The following CSGALNACT1 variants were observed in gnomAD, a reference collection of about 807,000 sequenced individuals.
CSGALNACT1 encodes chondroitin sulfate N-acetylgalactosaminyltransferase 1.
In CSGALNACT1, 52 loss-of-function variants were observed where a neutral mutation model predicts 51.0. That is an observed-to-expected ratio of 1.02 (90% CI 0.82 to 1.29). The LOEUF (loss-of-function observed/expected upper bound fraction) is 1.29, where lower values mean the gene tolerates loss of function less well. Ranked by LOEUF, CSGALNACT1 falls within the 50% of genes most tolerant of loss-of-function variation. The probability of loss-of-function intolerance (pLI) is 0.00; values close to 1 mark genes in which losing one functional copy is unlikely to be tolerated. For synonymous variants in CSGALNACT1, 341 were observed against 254.4 expected (o/e 1.34, Z -3.24); for missense variants, 935 against 679.2 (o/e 1.38, Z -4.19).
intron 1 of CSGALNACT1, among the ~76,000 whole-genome samples, chr8:19,738,317 G>A (rs567986740): frequency 2.0e-5 from 3 of 152,290 alleles, no homozygotes; most frequent in East Asian, 3.9e-4. Flanking sequence ...AAATTCTGAC[G>A]CATGCTACAA....
chr8:19,647,321 G>T (rs181184404), intron 1 of CSGALNACT1, among the ~76,000 whole-genome samples: 5 of 152,172 alleles, frequency 3.3e-5, no homozygotes, highest in Non-Finnish European at 7.3e-5. Flanking sequence ...AGAGGTCAAA[G>T]CAAGAAGATC....
chr8:19,567,652 T>C (rs1350420147), intron 3 of CSGALNACT1, among the ~76,000 whole-genome samples: 2 of 152,168 alleles, frequency 1.3e-5, no homozygotes, highest in East Asian at 1.9e-4. Flanking sequence ...GGAAAATAAA[T>C]GTGAAAATAT....
chr8:19,638,781 G>A (rs1055772152), intron 1 of CSGALNACT1, among the ~76,000 whole-genome samples: 1 of 151,960 alleles, frequency 6.6e-6, no homozygotes, highest in Non-Finnish European at 1.5e-5. Flanking sequence ...TCCCCACCAA[G>A]AAAGAGCTGA....
intron 3 of CSGALNACT1, among the ~76,000 whole-genome samples, chr8:19,529,139 A>C (rs1015173316): frequency 2.0e-5 from 3 of 152,212 alleles, no homozygotes; most frequent in Admixed American, 2.0e-4. Flanking sequence ...AAGCTCGGTG[A>C]GTTGAGCAAC....
intron 1 of CSGALNACT1, among the ~76,000 whole-genome samples, chr8:19,619,172 C>A (rs1217080148): frequency 2.9e-5 from 4 of 140,170 alleles, no homozygotes; most frequent in Admixed American, 2.5e-4. Flanking sequence ...AGACTCAAAT[C>A]TGAGTCAGGA....
chr8:19,643,927 G>C (rs2056995235), intron 1 of CSGALNACT1, among the ~76,000 whole-genome samples: 1 of 152,276 alleles, frequency 6.6e-6, no homozygotes, highest in East Asian at 1.9e-4. Flanking sequence ...TTTTGACCTA[G>C]TAATTTTACT....
rs183720433 is a variant in CSGALNACT1, at chr8:19,619,719, G to A, written c.-543-17854C>T. Among the ~76,000 whole-genome samples, 508 of 152,250 alleles carry A rather than the reference G, an allele frequency of 3.3e-3. 4 individuals are homozygous for A. Among genetic ancestry groups the A allele is most frequent in the African/African-American group, 0.012 (478 of 41,536 alleles). Reference sequence around the variant, plus strand: ...GTTTTGAACTGTTGAACACATTCGTGTCACAATAACAAAACAGTCCTGTCC... The same window carrying A: ...GTTTTGAACTGTTGAACACATTCGTATCACAATAACAAAACAGTCCTGTCC... On this transcript the variant is annotated intron_variant, in intron 1 of 9. Transcript: ENST00000332246.
chr8:19,756,517 GAAAC>G lies in CSGALNACT1; in HGVS notation c.-297+1329_-297+1332del, dbSNP rs138997721. ...GAATGCAGGTGCAGGAAGTGCGACG[GAAAC>G]AAACAACTTTGCCTCCGCTTCCTAC... On this transcript the variant is annotated intron_variant, in intron 1 of 1. Coordinates refer to the CSGALNACT1 transcript ENST00000517494. Among the ~76,000 whole-genome samples, 759 of 152,270 alleles carry G rather than the reference GAAAC, an allele frequency of 5.0e-3. 9 individuals are homozygous for G. The highest frequency in any genetic ancestry group is 0.017 in the African/African-American group (700 of 41,556).
intron 2 of CSGALNACT1, among the ~76,000 whole-genome samples, chr8:19,600,770 A>G (rs141711103): frequency 2.2e-4 from 33 of 152,152 alleles, no homozygotes; most frequent in African/African-American, 7.7e-4. Flanking sequence ...ATGCAAAATC[A>G]AATCATTAAC....
rs1050242393 is a variant in CSGALNACT1, at chr8:19,635,460, C to T, written c.-543-33595G>A. ...GTTGCCCTAAATGGCAGATCTGAAC[C>T]GCCGCATACATGTGGCATCTGTTAG... is the stretch of plus-strand genomic sequence containing the variant. On this transcript the variant is annotated intron_variant, in intron 1 of 9. Coordinates refer to the CSGALNACT1 transcript ENST00000332246. Among the ~76,000 whole-genome samples the T allele has an allele frequency of 2.6e-4, 39 of 152,144 alleles. 1 individual carries two copies. Among genetic ancestry groups the T allele is most frequent in the South Asian group, 6.2e-4 (3 of 4,822 alleles).
At chr8:19,695,489 T>C (rs2061539389) in intron 1 of CSGALNACT1, among the ~76,000 whole-genome samples, 1 of 152,170 alleles carries the variant, frequency 6.6e-6, no homozygotes, top group South Asian at 2.1e-4. Context: ...TTGGACTAAA[T>C]ACTGTCAAAT....
Position 19,662,030 on chromosome 8 carries a change from C to T in CSGALNACT1, c.-544+20443G>A, listed in dbSNP as rs116333779. On this transcript the variant is annotated intron_variant, in intron 1 of 9. Coordinates refer to the CSGALNACT1 transcript ENST00000332246. ...AGGTATTTTTAACCATCCCTACCAG[C>T]AGCAACCCCTTTCCCACTATTACAG... Among the ~76,000 whole-genome samples the T allele has an allele frequency of 5.4e-5, 8 of 148,642 alleles. No homozygotes were observed. In the Admixed American group the frequency reaches 5.5e-4, roughly 10 times the overall value.
At chr8:19,435,885 C>T (rs2060296747) in intron 6 of CSGALNACT1, among the ~76,000 whole-genome samples, 1 of 152,060 alleles carries the variant, frequency 6.6e-6, no homozygotes, top group Non-Finnish European at 1.5e-5. Flanking sequence ...GCAGCACACA[C>T]ACACACACGC....
At chr8:19,541,147 G>A (rs371133954) in intron 3 of CSGALNACT1, among the ~76,000 whole-genome samples, 11 of 151,428 alleles carry the variant, frequency 7.3e-5, no homozygotes, top group South Asian at 2.1e-4. Flanking sequence ...TGGCATGATC[G>A]CAGCTCACTG....
chr8:19,531,116 T>C (rs2082688817), intron 3 of CSGALNACT1, among the ~76,000 whole-genome samples: 1 of 152,214 alleles, frequency 6.6e-6, no homozygotes, highest in African/African-American at 2.4e-5. Context: ...ATTAAAACCT[T>C]AGACTAATTC....
chr8:19,424,759 C>A (rs2058512217), intron 6 of CSGALNACT1, among the ~76,000 whole-genome samples: 1 of 152,198 alleles, frequency 6.6e-6, no homozygotes, highest in South Asian at 2.1e-4. Flanking sequence ...TGAAAGGCAG[C>A]AGAACCATTC....
intron 3 of CSGALNACT1, among the ~76,000 whole-genome samples, chr8:19,525,539 C>A (rs1315516822): frequency 7.1e-6 from 1 of 141,790 alleles, no homozygotes; most frequent in Non-Finnish European, 1.5e-5. Flanking sequence ...ATCGCTTGAA[C>A]CCAGCAGGCA....
rs570065800 is a variant in CSGALNACT1, at chr8:19,579,064, A to G, written c.-297+12096T>C. On this transcript the variant is annotated intron_variant, in intron 3 of 9. Transcript: ENST00000454498. ...AGTTTTAACACCAAAACATTTATGT[A>G]AAAATGAACTTGAGCCTATCCACCA... Among the ~76,000 whole-genome samples, 9 of 152,316 alleles carry G rather than the reference A, an allele frequency of 5.9e-5. No homozygotes were observed. In the Middle Eastern group the frequency reaches 0.01, roughly 173 times the overall value.
intron 5 of CSGALNACT1, among the ~76,000 whole-genome samples, chr8:19,453,588 A>C (rs912092237): frequency 6.6e-5 from 10 of 152,198 alleles, no homozygotes; most frequent in Admixed American, 2.0e-4. Context: ...GCAAAACAGG[A>C]AACTGTACTA....
Sources: allele counts gnomAD v4.1 joint callset (sites outside exome capture counted in the v4.1 genomes callset), GRCh38; gene constraint gnomAD v4.1.1; transcripts MANE v1.5; gene names NCBI Gene and HGNC (gene_info 2026-07-23, HGNC 2026-07-21).